IGF2BP3: variants seen among roughly 807,000 people sequenced by gnomAD.
IGF2BP3 encodes the protein insulin like growth factor 2 mRNA binding protein 3.
Under a neutral mutation model 73.8 loss-of-function variants are expected in IGF2BP3, and 9 were observed. That is an observed-to-expected ratio of 0.12 (90% CI 0.07 to 0.21). The LOEUF is 0.21. Among genes scored for constraint, IGF2BP3 ranks in the 10% least tolerant of loss-of-function variants. The pLI, the probability that IGF2BP3 is intolerant of heterozygous loss-of-function variation, is 1.00. For synonymous variants in IGF2BP3, 258 were observed against 256.7 expected (o/e 1.01, Z -0.05); for missense variants, 542 against 714.0 (o/e 0.76, Z 2.75).
chr7:23,316,674 C>CA (rs1271667588), intron 12 of IGF2BP3, among the ~76,000 whole-genome samples: 7,521 of 48,640 alleles, frequency 0.15, 554 homozygotes, highest in African/African-American at 0.25. Context: ...GACTCTGTCT[C>CA]AAAAAAAAAA....
chr7:23,427,737 G>A (rs1787552702), intron 2 of IGF2BP3, among the ~76,000 whole-genome samples: 1 of 152,042 alleles, frequency 6.6e-6, no homozygotes, highest in South Asian at 2.1e-4. Context: ...GCCAGGCACA[G>A]TGGCTCACGC....
chr7:23,323,724 C>G (rs1784219602), intron 10 of IGF2BP3, among the ~76,000 whole-genome samples: 1 of 152,230 alleles, frequency 6.6e-6, no homozygotes, highest in Non-Finnish European at 1.5e-5. Flanking sequence ...AACTATCTCT[C>G]TGACCACAGT....
rs955966585 is a variant in IGF2BP3, at chr7:23,469,773, G to A, written c.175+163C>T. 7.9e-5 allele frequency among the ~76,000 whole-genome samples: 12 copies of A among 151,594 alleles called. No individual in the cohort carries two copies. Among genetic ancestry groups the A allele is most frequent in the Non-Finnish European group, 1.6e-4 (11 of 67,824 alleles). On this transcript the variant is annotated intron_variant, in intron 1 of 14. Coordinates refer to ENST00000258729, the MANE Select transcript of IGF2BP3 (RefSeq NM_006547.3). The surrounding 1 kb of genome is among the most constrained non-coding windows in gnomAD (Gnocchi z 6.1). ...GCCGCGGGCCGGAGTGGGAGCCGGA[G>A]CTGAGGAGAGCCCCGGCCCCCACGC...
chr7:23,442,786 T>A (rs1347353981), intron 2 of IGF2BP3, among the ~76,000 whole-genome samples: 1 of 152,170 alleles, frequency 6.6e-6, no homozygotes, highest in Non-Finnish European at 1.5e-5. Flanking sequence ...GAGTTACAGT[T>A]TCAATTTTAA....
In IGF2BP3 at chr7:23,443,102, A is replaced by ATTTT. The variant is rs34674050; in HGVS notation, c.237-24282_237-24279dup. Reference sequence around the variant, plus strand: ...ATCTACATATTTAAACATTACAGTGATTTTTTTTTTTTTTTTTTTTTTTTT... The same window carrying ATTTT: ...ATCTACATATTTAAACATTACAGTGATTTTTTTTTTTTTTTTTTTTTTTTTTTTT... On this transcript the variant is annotated intron_variant, in intron 2 of 14. Coordinates refer to ENST00000258729, the MANE Select transcript of IGF2BP3 (RefSeq NM_006547.3). Among the ~76,000 whole-genome samples, 17 of 85,844 alleles carry ATTTT rather than the reference A, an allele frequency of 2.0e-4. 2 individuals are homozygous for ATTTT. The East Asian group carries it at 2.4e-3, about 12-fold the overall frequency. 56.3% of individuals were successfully genotyped at this position (85,844 alleles called of 152,430 possible).
chr7:23,417,482 C>A (rs112892619), intron 3 of IGF2BP3, among the ~76,000 whole-genome samples: 262 of 152,236 alleles, frequency 1.7e-3, no homozygotes, highest in African/African-American at 5.9e-3. Context: ...AAGCTAAATT[C>A]TCTAAATTTG....
At chr7:23,437,563 C>T (rs1213786808) in intron 2 of IGF2BP3, among the ~76,000 whole-genome samples, 1 of 152,068 alleles carries the variant, frequency 6.6e-6, no homozygotes, top group African/African-American at 2.4e-5. Flanking sequence ...TCCTTTGTTA[C>T]ATTAAGACAA....
chr7:23,412,687 T>G (rs1223042334), intron 3 of IGF2BP3, among the ~76,000 whole-genome samples: 1 of 152,050 alleles, frequency 6.6e-6, no homozygotes, highest in Non-Finnish European at 1.5e-5. Context: ...ATGTCTTCCT[T>G]TACATAAGGT....
At chr7:23,403,537 G>A (rs1763726184) in intron 3 of IGF2BP3, among the ~76,000 whole-genome samples, 1 of 152,150 alleles carries the variant, frequency 6.6e-6, no homozygotes, top group Non-Finnish European at 1.5e-5. Context: ...TAAAAACACT[G>A]ATGAAATTGG....
At chr7:23,335,288 A>T (rs1036384579) in intron 10 of IGF2BP3, among the ~76,000 whole-genome samples, 4 of 145,808 alleles carry the variant, frequency 2.7e-5, no homozygotes, top group Non-Finnish European at 4.5e-5. Context: ...CCAACTCATA[A>T]TTTTTTTTTT....
At chr7:23,358,315 G>GCC (rs1334642014) in intron 5 of IGF2BP3, among the ~76,000 whole-genome samples, 1 of 152,176 alleles carries the variant, frequency 6.6e-6, no homozygotes, top group East Asian at 1.9e-4. Flanking sequence ...AACAACAGAT[G>GCC]TTACAAAGAG....
chr7:23,469,869 C>G lies in IGF2BP3; in HGVS notation c.175+67G>C. On this transcript the variant is annotated intron_variant, in intron 1 of 14. Transcript: ENST00000258729. The surrounding 1 kb of genome is among the most constrained non-coding windows in gnomAD (Gnocchi z 6.1). ...CCGGGCCTGGGGCCCGCGGAGCCAC[C>G]CGGTGGGCCTGGGCGGGCGGTGCAG... 1 of 1,178,958 alleles carries G rather than the reference C, an allele frequency of 8.5e-7. No individual in the cohort carries two copies. Among genetic ancestry groups the G allele is most frequent in the Non-Finnish European group, 1.1e-6 (1 of 920,870 alleles). The allele number at this position is 1,178,958 out of a possible 1,614,324, so 73.0% of individuals were successfully genotyped here. A position where few individuals can be genotyped will look rare whatever the true frequency, so the allele number is the denominator to read the frequency against.
intron 2 of IGF2BP3, among the ~76,000 whole-genome samples, chr7:23,461,050 C>T (rs79896768): frequency 6.6e-6 from 1 of 152,034 alleles, no homozygotes; most frequent in African/African-American, 2.4e-5. Flanking sequence ...ATTTGTAAAT[C>T]GTTCTCCTTC....
At chr7:23,315,548 G>C (rs190676661) in intron 12 of IGF2BP3, among the ~76,000 whole-genome samples, 31 of 152,222 alleles carry the variant, frequency 2.0e-4, no homozygotes, top group African/African-American at 7.5e-4. Flanking sequence ...AGCTGCCAGG[G>C]TAAACCACAA....
chr7:23,407,952 GC>G (rs1562733751), intron 3 of IGF2BP3, among the ~76,000 whole-genome samples: 11 of 78,736 alleles, frequency 1.4e-4, no homozygotes, highest in Admixed American at 8.3e-4. Flanking sequence ...GGGGCAGGGG[GC>G]GGGGGGCGGG....
intron 10 of IGF2BP3, among the ~76,000 whole-genome samples, chr7:23,321,565 C>A (rs892666946): frequency 4.6e-5 from 7 of 152,238 alleles, no homozygotes; most frequent in African/African-American, 1.7e-4. Context: ...CTGGGTGGAG[C>A]CCACCACAGC....
intron 8 of IGF2BP3, among the ~76,000 whole-genome samples, chr7:23,345,554 C>T (rs1407975966): frequency 6.6e-6 from 1 of 152,362 alleles, no homozygotes; most frequent in East Asian, 1.9e-4. Context: ...TAAGCTGCTC[C>T]TGCATTCCTA....
intron 10 of IGF2BP3, among the ~76,000 whole-genome samples, chr7:23,326,368 T>A (rs1784296013): frequency 6.6e-6 from 1 of 152,154 alleles, no homozygotes; most frequent in Admixed American, 6.5e-5. Context: ...CACAGTGAGA[T>A]ACCATCTCAC....
At chr7:23,321,173 A>C (rs1307441755) in intron 10 of IGF2BP3, among the ~76,000 whole-genome samples, 1 of 152,096 alleles carries the variant, frequency 6.6e-6, no homozygotes, top group East Asian at 1.9e-4. Context: ...GGTTCATCTC[A>C]CTAGGGAGTG....
Sources: gnomAD v4.1 joint callset for allele counts (sites outside exome capture counted in the v4.1 genomes callset) on GRCh38, gnomAD v4.1.1 for gene constraint, Gnocchi (gnomAD v3.1) non-coding constraint, MANE v1.5 for transcripts, NCBI Gene and HGNC (gene_info 2026-07-23, HGNC 2026-07-21) for gene names.